Variants in CHST8 observed in about 807,000 individuals in gnomAD.
CHST8 encodes carbohydrate sulfotransferase 8, also known as GALNAC-4-ST1.
A neutral mutation model predicts 15.0 loss-of-function variants in CHST8; 10 were observed. That is an observed-to-expected ratio of 0.67 (90% confidence interval 0.41 to 1.13). The LOEUF (loss-of-function observed/expected upper bound fraction) is 1.13. Ranked by LOEUF, CHST8 falls within the 50% of genes most tolerant of loss-of-function variation. The probability of loss-of-function intolerance (pLI) is 0.00; values close to 1 mark genes in which losing one functional copy is unlikely to be tolerated. For synonymous variants in CHST8, 259 were observed against 256.6 expected, an observed-to-expected ratio of 1.01 and a Z score of -0.09; for missense variants, 634 against 608.2, an observed-to-expected ratio of 1.04 and a Z score of -0.45.
chr19:33,772,702 G>C lies in CHST8; in HGVS notation c.914G>C (p.Gly305Ala). ...CGGGAGGCCCTGCGGACCGGCTCTGGGGTGCGTTTTCCCGAGTTCGTCCAG... is the reference window on the plus strand; with the variant it reads ...CGGGAGGCCCTGCGGACCGGCTCTGCGGTGCGTTTTCCCGAGTTCGTCCAG... ...ASREALRTGS[G>A]VRFPEFVQYL... Residue 305 changes from glycine (G) to alanine (A), a missense_variant, in exon 5 of 5, where the codon GGG (glycine) becomes GCG (alanine). By Grantham distance (60) the Gly-to-Ala change is moderately conservative. Transcript: ENST00000650847. 1.2e-6 allele frequency: 2 copies of C among 1,613,532 alleles called. No homozygotes were observed. The highest frequency in any genetic ancestry group is 1.7e-6 in the Non-Finnish European group (2 of 1,180,016).
intron 1 of CHST8, among the ~76,000 whole-genome samples, chr19:33,629,454 C>T (rs1282005286): frequency 1.3e-5 from 2 of 152,282 alleles, no homozygotes. Flanking sequence ...AGGGGCTCTG[C>T]CCAAGGCTGG....
chr19:33,755,947 G>A (rs1365684167), intron 3 of CHST8, among the ~76,000 whole-genome samples: 1 of 152,150 alleles, frequency 6.6e-6, no homozygotes, highest in Non-Finnish European at 1.5e-5. Flanking sequence ...AGAGTTTGAG[G>A]CCTTGAAAGG....
intron 3 of CHST8, among the ~76,000 whole-genome samples, chr19:33,748,975 C>A (rs576065387): frequency 5.9e-5 from 9 of 152,240 alleles, no homozygotes; most frequent in African/African-American, 2.2e-4. Flanking sequence ...ACCCAACAGG[C>A]GCACACCCCT....
chr19:33,766,503 C>T (rs1458739605), intron 3 of CHST8, among the ~76,000 whole-genome samples: 3 of 152,172 alleles, frequency 2.0e-5, no homozygotes, highest in Non-Finnish European at 2.9e-5. Flanking sequence ...CCCCAGGGCT[C>T]GGAGGCCTTT....
At chr19:33,646,176 G>T (rs1306144096) in intron 1 of CHST8, among the ~76,000 whole-genome samples, 1 of 152,090 alleles carries the variant, frequency 6.6e-6, no homozygotes, top group Non-Finnish European at 1.5e-5. Flanking sequence ...GGCAGTAGTT[G>T]GGAGATAAAT....
chr19:33,722,900 A>G (rs1973826410), intron 3 of CHST8, among the ~76,000 whole-genome samples: 1 of 152,262 alleles, frequency 6.6e-6, no homozygotes, highest in African/African-American at 2.4e-5. Flanking sequence ...CTTTGCCAGG[A>G]GCAAGGGTAA....
chr19:33,757,204 A>G (rs1413984542), intron 3 of CHST8, among the ~76,000 whole-genome samples: 1 of 151,800 alleles, frequency 6.6e-6, no homozygotes. Context: ...AGCCTGGGCA[A>G]CATAGTAAAA....
intron 1 of CHST8, among the ~76,000 whole-genome samples, chr19:33,645,632 A>G (rs1972344477): frequency 6.6e-6 from 1 of 152,054 alleles, no homozygotes. Context: ...GGCTTAGGCT[A>G]AACATTCGGT....
At chr19:33,763,187 G>T (rs894418736) in intron 3 of CHST8, among the ~76,000 whole-genome samples, 2 of 152,172 alleles carry the variant, frequency 1.3e-5, no homozygotes, top group African/African-American at 4.8e-5. Flanking sequence ...TGCTAAGCCT[G>T]CATTAAAAAC....
intron 3 of CHST8, among the ~76,000 whole-genome samples, chr19:33,737,497 C>G (rs1406587569): frequency 2.0e-5 from 3 of 152,188 alleles, no homozygotes; most frequent in Non-Finnish European, 2.9e-5. Context: ...GGACAAATGG[C>G]TATTAGGTCC....
At chr19:33,630,345 C>T (rs926726910) in intron 1 of CHST8, among the ~76,000 whole-genome samples, 3 of 152,230 alleles carry the variant, frequency 2.0e-5, no homozygotes, top group Non-Finnish European at 4.4e-5. Flanking sequence ...TGTGGGCAGG[C>T]AGAGTGCATT....
intron 3 of CHST8, among the ~76,000 whole-genome samples, chr19:33,729,283 G>A (rs900441168): frequency 6.6e-5 from 10 of 152,232 alleles, no homozygotes; most frequent in African/African-American, 2.4e-4. Flanking sequence ...GTGGCTGCTG[G>A]CAGGATTGAG....
chr19:33,674,588 A>G (rs182971980), intron 2 of CHST8, among the ~76,000 whole-genome samples: 62 of 152,254 alleles, frequency 4.1e-4, no homozygotes, highest in African/African-American at 1.5e-3. Flanking sequence ...TTAGCTTCCA[A>G]TTCCCAGGGG....
chr19:33,771,913 A>G (rs1270905257), intron 4 of CHST8, 44 bp from the exon 5 acceptor site: 1 of 1,522,796 alleles, frequency 6.6e-7, no homozygotes, highest in Middle Eastern at 1.8e-4. Context: ...CTCAGTGCCC[A>G]GCTGTCCTTT....
chr19:33,704,726 G>A (rs1303805438), intron 3 of CHST8, among the ~76,000 whole-genome samples: 1 of 152,200 alleles, frequency 6.6e-6, no homozygotes, highest in African/African-American at 2.4e-5. Context: ...CCTGGCCAAC[G>A]TGGTGAAACC....
At chr19:33,704,521 C>A (rs1422100608) in intron 3 of CHST8, among the ~76,000 whole-genome samples, 1 of 152,194 alleles carries the variant, frequency 6.6e-6, no homozygotes, top group Non-Finnish European at 1.5e-5. Flanking sequence ...GGGCCAGGGG[C>A]CACCGATGCT....
chr19:33,722,671 T>C (rs1183854280), intron 3 of CHST8, among the ~76,000 whole-genome samples: 1 of 152,098 alleles, frequency 6.6e-6, no homozygotes, highest in African/African-American at 2.4e-5. Flanking sequence ...CTGGAGGGGA[T>C]GTGAATGGAG....
chr19:33,628,107 A>T (rs1972079988), intron 1 of CHST8, among the ~76,000 whole-genome samples: 1 of 152,134 alleles, frequency 6.6e-6, no homozygotes, highest in Admixed American at 6.5e-5. Flanking sequence ...GGTCTGAAGG[A>T]GGAGTGGGAA....
chr19:33,710,713 T>C (rs1361753536), intron 3 of CHST8, among the ~76,000 whole-genome samples: 2 of 152,210 alleles, frequency 1.3e-5, no homozygotes, highest in Non-Finnish European at 2.9e-5. Flanking sequence ...TCAATCAATG[T>C]TCATGCCTGA....
Sources: allele counts gnomAD v4.1 joint callset (sites outside exome capture counted in the v4.1 genomes callset), GRCh38; gene constraint gnomAD v4.1.1; transcripts MANE v1.5; gene names NCBI Gene and HGNC (gene_info 2026-07-23, HGNC 2026-07-21).